XDH: variants seen among roughly 807,000 people sequenced by gnomAD.
XDH encodes the protein xanthine dehydrogenase/oxidase.
A neutral mutation model predicts 156.1 loss-of-function variants in XDH; 138 were observed. The ratio of observed to expected loss-of-function variants is 0.88; its 90% CI spans 0.77 to 1.02. XDH has a LOEUF of 1.02. Ranked by LOEUF, XDH falls within the 50% of genes least tolerant of loss-of-function variation. XDH has a pLI of 0.00. For synonymous variants in XDH, 669 were observed against 625.7 expected (o/e 1.07, Z -1.03); for missense variants, 1,849 against 1,684.9 (o/e 1.10, Z -1.71).
rs759708338 is a variant in XDH at position 31,349,753 on chromosome 2, A to C, written c.2902T>G (p.Cys968Gly). The part of the protein sequence containing the change: ...QKLEGFTLPR[C>G]WEECLASSQY... ...GAGCTTGCTAGGCATTCTTCCCAGCATCTGGGCAAGGTGAAACCCTCAAGC... is the reference window on the plus strand; with the variant it reads ...GAGCTTGCTAGGCATTCTTCCCAGCCTCTGGGCAAGGTGAAACCCTCAAGC... Residue 968 changes from cysteine to glycine, a missense_variant, in exon 26 of 36, where the codon TGC (cysteine) becomes GGC (glycine). Transcript: ENST00000379416. The C allele has an allele frequency of 5.6e-6, 9 of 1,614,094 alleles. No individual in the cohort carries two copies. The African/African-American group carries it at 1.1e-4, about 19-fold the overall frequency.
chr2:31,370,747 C>A (rs45595040), intron 17 of XDH, among the ~76,000 whole-genome samples: 185 of 152,258 alleles, frequency 1.2e-3, no homozygotes, highest in African/African-American at 4.3e-3. Context: ...TGCCTATAAT[C>A]CCAGCACCTT....
At chr2:31,410,237 T>C (rs1016299986) in intron 1 of XDH, among the ~76,000 whole-genome samples, 1 of 152,134 alleles carries the variant, frequency 6.6e-6, no homozygotes, top group African/African-American at 2.4e-5. Flanking sequence ...AATAGGGAGT[T>C]ATTATTTAGT....
chr2:31,342,481 T>C (rs190820568), intron 31 of XDH, among the ~76,000 whole-genome samples, 184 bp from the exon 32 acceptor site: 3 of 152,310 alleles, frequency 2.0e-5, no homozygotes, highest in Non-Finnish European at 2.9e-5. Context: ...TTCCAGAACA[T>C]TTTGTCTCTG....
At chr2:31,344,903 C>T (rs545205860) in intron 30 of XDH, among the ~76,000 whole-genome samples, 167 bp from the exon 31 acceptor site, 1 of 152,316 alleles carries the variant, frequency 6.6e-6, no homozygotes, top group South Asian at 2.1e-4. Flanking sequence ...CCACCTGCAC[C>T]AGGTCCTCAT....
At chr2:31,393,454 A>G (rs968908961) in intron 6 of XDH, among the ~76,000 whole-genome samples, 4 of 152,210 alleles carry the variant, frequency 2.6e-5, no homozygotes, top group African/African-American at 7.2e-5. Flanking sequence ...TTCGATTAGT[A>G]TATCATGGTC....
chr2:31,378,055 G>GAAAGA (rs1686298042), intron 13 of XDH, among the ~76,000 whole-genome samples: 8 of 65,518 alleles, frequency 1.2e-4, no homozygotes, highest in African/African-American at 4.6e-4. Flanking sequence ...AGAAAGAAAG[G>GAAAGA]AAGAAAGAAA....
intron 19 of XDH, 26 bp downstream of exon 19, chr2:31,368,515 T>C (rs758619021): frequency 8.1e-6 from 13 of 1,611,716 alleles, no homozygotes; most frequent in Non-Finnish European, 1.0e-5. Flanking sequence ...CTCACTCCTC[T>C]ACACAGGCAG....
At chr2:31,371,603 T>G (rs985559918) in intron 17 of XDH, among the ~76,000 whole-genome samples, 1 of 152,156 alleles carries the variant, frequency 6.6e-6, no homozygotes, top group Non-Finnish European at 1.5e-5. Context: ...ATTGTCAATA[T>G]GGGCTCAAGA....
In XDH at chr2:31,341,605, G is replaced by A. The variant is rs768159558; in HGVS notation, c.3520-211C>T. On this transcript the variant is annotated intron_variant, in intron 32 of 35. Coordinates refer to ENST00000379416, the MANE Select transcript of XDH (RefSeq NM_000379.4). Reference sequence around the variant, plus strand: ...GCTGGAGTCTGAGTTTGTAGCAGCCGGGTAGGAAGTGGGGAGCAGCAATGA... The same window carrying A: ...GCTGGAGTCTGAGTTTGTAGCAGCCAGGTAGGAAGTGGGGAGCAGCAATGA... Among the ~76,000 whole-genome samples the A allele has an allele frequency of 3.9e-5, 6 of 152,018 alleles. No individual in the cohort carries two copies. The South Asian group carries it at 1.0e-3, about 26-fold the overall frequency.
intron 31 of XDH, among the ~76,000 whole-genome samples, chr2:31,343,790 C>G (rs1240274469): frequency 7.3e-6 from 1 of 136,960 alleles, no homozygotes; most frequent in Non-Finnish European, 1.6e-5. Flanking sequence ...ATGTTTATGC[C>G]TTATATGTAT....
At chr2:31,372,772 T>C (rs576593917) in intron 16 of XDH, among the ~76,000 whole-genome samples, 2 of 152,316 alleles carry the variant, frequency 1.3e-5, no homozygotes, top group East Asian at 3.9e-4. Context: ...TTTGTGTTTG[T>C]GTTTGACAAT....
chr2:31,386,480 T>G lies in XDH; in HGVS notation c.727A>C (p.Lys243Gln). 1 of 1,614,090 alleles carries G rather than the reference T, an allele frequency of 6.2e-7. No homozygotes were observed. The highest frequency in any genetic ancestry group is 8.5e-7 in the Non-Finnish European group (1 of 1,180,022). ...TGAGCCTTGAGGTCCAGCAGCTCCT[T>G]GAGGGTTGAGGCCTGTATCCACGTC... ...RVTWIQASTL[K>Q]ELLDLKAQHP... is the part of the protein sequence containing the mutation. The change falls in exon 9 of 36, where the codon AAG becomes CAG. Residue 243 changes from lysine (K) to glutamine (Q), a missense_variant. Lys to Gln is a moderately conservative substitution (Grantham distance 53, BLOSUM62 1). Transcript: ENST00000379416.
chr2:31,366,227 T>C (rs1685912984), intron 21 of XDH, 118 bp from the exon 22 acceptor site: 4 of 1,565,172 alleles, frequency 2.6e-6, no homozygotes. Flanking sequence ...CTGAAATTCC[T>C]TGATTGAAAA....
chr2:31,407,381 C>A (rs1298515730), intron 1 of XDH, among the ~76,000 whole-genome samples: 1 of 152,124 alleles, frequency 6.6e-6, no homozygotes, highest in Non-Finnish European at 1.5e-5. Flanking sequence ...GGATGTAATG[C>A]AAGCCATTCA....
At chr2:31,402,599 T>C (rs1028529213) in intron 3 of XDH, among the ~76,000 whole-genome samples, 1 of 152,086 alleles carries the variant, frequency 6.6e-6, no homozygotes, top group African/African-American at 2.4e-5. Flanking sequence ...CTAGGAGAAC[T>C]TCCCAGCTTA....
chr2:31,347,513 G>T lies in XDH; in HGVS notation c.3276+9C>A. 1.2e-6 allele frequency: 2 copies of T among 1,613,518 alleles called. No homozygotes were observed. The highest frequency in any genetic ancestry group is 1.1e-5 in the South Asian group (1 of 91,042). ...CCCTCTGCTCTGCGGGATCCCATGG[G>T]CTCCTTACATAGACGGCCTGTCCAT... On this transcript the variant is annotated intron_variant, in intron 29 of 35. Transcript: ENST00000379416.
chr2:31,378,175 G>GAAGCAAGC lies in XDH; in HGVS notation c.1243-946_1243-939dup, dbSNP rs150555652. On this transcript the variant is annotated intron_variant, in intron 13 of 35. Transcript: ENST00000379416. ...GGAAGGAAGGAAGGAAGGAAGGAAG[G>GAAGCAAGC]AAGCAAGCAAGCAAGCAAAGCAAGA... Among the ~76,000 whole-genome samples, 9 of 71,602 alleles carry GAAGCAAGC rather than the reference G, an allele frequency of 1.3e-4. No individual in the cohort carries two copies. The East Asian group carries it at 1.7e-3, about 14-fold the overall frequency. The allele number at this position is 71,602 out of a possible 152,430, so 47.0% of individuals were successfully genotyped here.
rs1338568287 is a variant in XDH at position 31,377,222 on chromosome 2, C to G, written c.1258G>C (p.Ala420Pro). 6.8e-6 allele frequency: 11 copies of G among 1,614,006 alleles called. No individual in the cohort carries two copies. Among genetic ancestry groups the G allele is most frequent in the Non-Finnish European group, 9.3e-6 (11 of 1,180,038 alleles). Residue 420 changes from alanine (A) to proline (P), a missense_variant, in exon 14 of 36, where the codon GCA becomes CCA. Coordinates refer to ENST00000379416, the MANE Select transcript of XDH (RefSeq NM_000379.4). ...TCTCTCCGGGAGGCCTGCTTGAATG[C>G]TGAGAAATACTCCCCCTAAAAGAGA... The part of the protein sequence containing the change: ...PYSREGEYFS[A>P]FKQASRREDD...
Position 31,364,163 on chromosome 2 carries a change from G to A in XDH, c.2626C>T (p.Gln876Ter). ...CGGCTGCAGGTCCTACTCACACTCTGAGAGAGATCCTGGGTGTTCCCCACA... is the reference window on the plus strand; with the variant it reads ...CGGCTGCAGGTCCTACTCACACTCTAAGAGAGATCCTGGGTGTTCCCCACA... Reference protein sequence around the residue: ...SNVGNTQDLSQSIMERALFHM... With the variant: ...SNVGNTQDLS The change falls in exon 24 of 36, where the codon CAG becomes TAG. Residue 876 changes from glutamine (Q) to a stop codon, truncating the protein, a stop_gained. Coordinates refer to ENST00000379416, the MANE Select transcript of XDH (RefSeq NM_000379.4). LOFTEE classifies it high-confidence loss of function. 1 of 1,614,014 alleles carries A rather than the reference G, an allele frequency of 6.2e-7. No homozygotes were observed. The highest frequency in any genetic ancestry group is 8.5e-7 in the Non-Finnish European group (1 of 1,180,008).
Sources: allele counts gnomAD v4.1 joint callset (sites outside exome capture counted in the v4.1 genomes callset), GRCh38; gene constraint gnomAD v4.1.1; transcripts MANE v1.5; gene names NCBI Gene and HGNC (gene_info 2026-07-23, HGNC 2026-07-21).